CSNK2A1: variants seen among roughly 807,000 people sequenced by gnomAD.
The protein encoded by CSNK2A1 is casein kinase II subunit alpha.
Under a neutral mutation model 62.9 loss-of-function variants are expected in CSNK2A1, and 10 were observed. That is an observed-to-expected ratio of 0.16 (90% CI 0.10 to 0.27). CSNK2A1 has a LOEUF of 0.27. Ranked by LOEUF, CSNK2A1 falls within the 10% of genes least tolerant of loss-of-function variation. The pLI, the probability that CSNK2A1 is intolerant of heterozygous loss-of-function variation, is 1.00. For missense variants in CSNK2A1, 160 were observed against 492.0 expected (o/e 0.33, Z 6.38); for synonymous variants, 124 against 167.8 (o/e 0.74, Z 2.02).
intron 1 of CSNK2A1, among the ~76,000 whole-genome samples, chr20:535,236 A>G (rs1017636141): frequency 3.3e-5 from 5 of 152,002 alleles, no homozygotes; most frequent in African/African-American, 1.2e-4. Context: ...CTAGCTCAAG[A>G]TGGCTTCACT....
chr20:511,694 GTA>G (rs145379556), intron 2 of CSNK2A1, among the ~76,000 whole-genome samples: 3,041 of 106,798 alleles, frequency 0.028, 77 homozygotes, highest in African/African-American at 0.13. Context: ...ATTGCACTGT[GTA>G]TATATATACA....
rs745406671 is a variant in CSNK2A1, at chr20:487,551, G to A, written c.849C>T (p.Arg283=). The A allele has an allele frequency of 3.1e-6, 5 of 1,614,114 alleles. No individual in the cohort carries two copies. The highest frequency in any genetic ancestry group is 4.2e-6 in the Non-Finnish European group (5 of 1,180,060). The change falls in exon 12 of 14, where the codon CGC becomes CGT. Residue 283 remains arginine, a synonymous_variant. Transcript: ENST00000217244. ...GGTGCTGATTTTCACTGTGGACAAAGCGTTCCCATCGCTTTCGAGAGTGTC... is the reference window on the plus strand; with the variant it reads ...GGTGCTGATTTTCACTGTGGACAAAACGTTCCCATCGCTTTCGAGAGTGTC... ...LGRHSRKRWE[R]FVHSENQHLV... is the part of the protein sequence containing the mutation.
rs2018153600 is a variant in CSNK2A1 at position 488,729 on chromosome 20, A to G, written c.773T>C (p.Ile258Thr). The change falls in exon 11 of 14, where the codon ATT becomes ACT. Residue 258 changes from isoleucine (I) to threonine (T), a missense_variant. Coordinates refer to ENST00000217244, the MANE Select transcript of CSNK2A1 (RefSeq NM_177559.3). ...ATCTAATTCAATGTTGTATTTGTCA[A>G]TATAGTCATATAAATCTTCTGTCCC... ...VLGTEDLYDY[I>T]DKYNIELDPR... 6.2e-7 allele frequency: 1 copy of G among 1,614,006 alleles called. No homozygotes were observed. Among genetic ancestry groups the G allele is most frequent in the Non-Finnish European group, 8.5e-7 (1 of 1,179,946 alleles).
intron 4 of CSNK2A1, chr20:501,012 T>C (rs1306087361): frequency 6.6e-6 from 1 of 151,824 alleles, no homozygotes; most frequent in Non-Finnish European, 1.5e-5. Context: ...TAGTATGGAA[T>C]CCTTTTCATT....
intron 13 of CSNK2A1, among the ~76,000 whole-genome samples, chr20:485,100 AAAAAAAAAAATATATATATAT>A (rs2018057736): frequency 1.8e-5 from 1 of 54,262 alleles, no homozygotes; most frequent in Non-Finnish European, 3.5e-5. Flanking sequence ...AAAAAAAAAA[AAAAAAAAAAATATATATATAT>A]ATATATATAT....
chr20:538,170 G>GAAC (rs1269968778), intron 1 of CSNK2A1, among the ~76,000 whole-genome samples: 20 of 152,206 alleles, frequency 1.3e-4, no homozygotes, highest in African/African-American at 4.3e-4. Flanking sequence ...GGCTGGTCTT[G>GAAC]TCCTGACCTC....
At chr20:515,789 T>A (rs2018818097) in intron 2 of CSNK2A1, among the ~76,000 whole-genome samples, 1 of 152,226 alleles carries the variant, frequency 6.6e-6, no homozygotes, top group Admixed American at 6.5e-5. Context: ...AAATTAATCT[T>A]GGTTTATTTT....
At chr20:538,928 C>G (rs1237073194) in intron 1 of CSNK2A1, among the ~76,000 whole-genome samples, 1 of 152,306 alleles carries the variant, frequency 6.6e-6, no homozygotes, top group South Asian at 2.1e-4. Context: ...GAAACTACAT[C>G]TCACTAAGCT....
At chr20:516,042 C>T (rs1249014803) in intron 2 of CSNK2A1, among the ~76,000 whole-genome samples, 1 of 152,102 alleles carries the variant, frequency 6.6e-6, no homozygotes, top group Admixed American at 6.6e-5. Flanking sequence ...CTTGATTTTA[C>T]CAATTTTTAT....
At chr20:538,901 A>G (rs1024540451) in intron 1 of CSNK2A1, among the ~76,000 whole-genome samples, 1 of 152,188 alleles carries the variant, frequency 6.6e-6, no homozygotes, top group Non-Finnish European at 1.5e-5. Flanking sequence ...AAATCCTACC[A>G]ATGTCCTAGA....
chr20:487,747 T>A, intron 11 of CSNK2A1, 172 bp from the exon 12 acceptor site: 1 of 772,540 alleles, frequency 1.3e-6, no homozygotes, highest in Non-Finnish European at 2.0e-6. Context: ...CAAAGCTAAC[T>A]GGAGACTGGA....
intron 11 of CSNK2A1, chr20:488,388 ATT>A: frequency 3.5e-6 from 1 of 282,078 alleles, no homozygotes; most frequent in Non-Finnish European, 6.6e-6. Flanking sequence ...AGCAAGGTAA[ATT>A]TTGATTTTTG....
At position 486,714 on chromosome 20, in the gene CSNK2A1, T is replaced by C. The variant is rs461944; in HGVS notation, c.974-252A>G. On this transcript the variant is annotated intron_variant, in intron 12 of 13. Transcript: ENST00000217244. ...GGTAGAAAGATGAGGTAATTATTTA[T>C]AGCAGAGCGAATTTAATGAAGCCCT... 0.35 allele frequency: 156,287 copies of C among 447,458 alleles called. 30,042 individuals carry two copies. Among genetic ancestry groups the C allele is most frequent in the East Asian group, 0.72 (18,752 of 25,908 alleles). The allele number at this position is 447,458 out of a possible 1,614,324, so 27.7% of individuals were successfully genotyped here.
At chr20:529,698 G>A (rs1211703816) in intron 1 of CSNK2A1, among the ~76,000 whole-genome samples, 1 of 152,216 alleles carries the variant, frequency 6.6e-6, no homozygotes, top group African/African-American at 2.4e-5. Context: ...CAGTGATAAT[G>A]TGAAGAGGGA....
At chr20:504,409 G>A (rs1180565224) in intron 4 of CSNK2A1, 1 of 152,170 alleles carries the variant, frequency 6.6e-6, no homozygotes, top group African/African-American at 2.4e-5. Flanking sequence ...ATATGACAGT[G>A]CACAGCATAG....
intron 12 of CSNK2A1, 146 bp downstream of exon 12, chr20:487,281 T>A: frequency 9.4e-7 from 1 of 1,065,814 alleles, no homozygotes. Context: ...TGCAATGTAG[T>A]TGCCATCACT....
intron 12 of CSNK2A1, 128 bp from the exon 13 acceptor site, chr20:486,590 T>C: frequency 1.1e-6 from 1 of 936,514 alleles, no homozygotes; most frequent in Non-Finnish European, 1.5e-6. Flanking sequence ...CCCAAAGAAC[T>C]TAAGGTGGCA....
chr20:509,821 C>T (rs530094272), intron 2 of CSNK2A1, among the ~76,000 whole-genome samples: 5 of 152,302 alleles, frequency 3.3e-5, no homozygotes, highest in African/African-American at 7.2e-5. Context: ...AAGCAATCCT[C>T]CCACCTCAGC....
intron 1 of CSNK2A1, among the ~76,000 whole-genome samples, chr20:533,840 G>A (rs779099421): frequency 2.1e-4 from 32 of 152,156 alleles, no homozygotes; most frequent in Non-Finnish European, 2.2e-4. Context: ...AATCCAAGCA[G>A]TTTGATTTGG....
Sources: allele counts gnomAD v4.1 joint callset (sites outside exome capture counted in the v4.1 genomes callset), GRCh38; gene constraint gnomAD v4.1.1; transcripts MANE v1.5; gene names NCBI Gene and HGNC (gene_info 2026-07-23, HGNC 2026-07-21).